The following EPB41L5 variants were observed in gnomAD, a reference collection of about 807,000 sequenced individuals.
The protein encoded by EPB41L5 is band 4.1-like protein 5.
In EPB41L5, 55 loss-of-function variants were observed where a neutral mutation model predicts 106.6. That is an observed-to-expected ratio of 0.52 (90% CI 0.42 to 0.65). EPB41L5 has a LOEUF of 0.65. Ranked by LOEUF, EPB41L5 falls within the 30% of genes least tolerant of loss-of-function variation. The pLI, the probability that EPB41L5 is intolerant of heterozygous loss-of-function variation, is 0.00. For missense variants in EPB41L5, 871 were observed against 882.1 expected (o/e 0.99, Z 0.16); for synonymous variants, 297 against 306.7 (o/e 0.97, Z 0.33).
At chr2:120,173,963 G>A (rs1574808136) in intron 24 of EPB41L5, among the ~76,000 whole-genome samples, 1 of 152,132 alleles carries the variant, frequency 6.6e-6, no homozygotes, top group African/African-American at 2.4e-5. Flanking sequence ...GCAGGCGTGC[G>A]CCACCTTACC....
intron 22 of EPB41L5, among the ~76,000 whole-genome samples, chr2:120,165,388 G>T (rs1442275767): frequency 6.6e-6 from 1 of 152,106 alleles, no homozygotes; most frequent in African/African-American, 2.4e-5. Flanking sequence ...ATAAAATGGT[G>T]TAGTGTTTGC....
chr2:120,039,876 A>G (rs1255622347), intron 2 of EPB41L5, among the ~76,000 whole-genome samples: 1 of 151,608 alleles, frequency 6.6e-6, no homozygotes, highest in Non-Finnish European at 1.5e-5. Context: ...AATAAGCTAG[A>G]AGAAGTTGTT....
chr2:120,166,336 T>C (rs1235554092), intron 22 of EPB41L5, among the ~76,000 whole-genome samples: 1 of 152,258 alleles, frequency 6.6e-6, no homozygotes, highest in African/African-American at 2.4e-5. Flanking sequence ...AAGAATTAAC[T>C]GCAAGTGTGG....
chr2:120,137,251 A>G (rs752060027), intron 18 of EPB41L5, among the ~76,000 whole-genome samples: 1 of 152,116 alleles, frequency 6.6e-6, no homozygotes, highest in Non-Finnish European at 1.5e-5. Context: ...ATAAGCACCT[A>G]CATCACAAAA....
In EPB41L5 at chr2:120,149,336, C is replaced by T. The variant is rs1230270137; in HGVS notation, c.1793+3047C>T. ...TCAGTAACAAATTTCAGAATATTTT[C>T]GTCACCTCAAAAAGAAATCCCCTGC... On this transcript the variant is annotated intron_variant, in intron 20 of 24. Transcript: ENST00000263713. 8.5e-5 allele frequency among the ~76,000 whole-genome samples: 13 copies of T among 152,248 alleles called. 1 individual carries two copies. In the South Asian group the frequency reaches 1.7e-3, roughly 19 times the overall value.
chr2:120,074,059 T>A (rs757470043), intron 4 of EPB41L5, 41 bp from the exon 5 acceptor site: 1 of 1,423,446 alleles, frequency 7.0e-7, no homozygotes, highest in Admixed American at 1.9e-5. Flanking sequence ...ATTATTTAAG[T>A]AGTTTATTTT....
chr2:120,091,529 CCTTA>C (rs752431417), intron 12 of EPB41L5, 22 bp from the exon 13 acceptor site: 1 of 1,563,000 alleles, frequency 6.4e-7, no homozygotes, highest in Non-Finnish European at 8.8e-7. Flanking sequence ...CTAAAATTTC[CCTTA>C]CTTCTGTTAT....
Position 120,014,331 on chromosome 2 carries a change from C to T in EPB41L5, c.-9+1121C>T, listed in dbSNP as rs1273332194. ...TAGTTAGGAACTAGAGTAGAAACTA[C>T]TGTTTTTTGGAAGCCACATAAACCT... On this transcript the variant is annotated intron_variant, in intron 1 of 24. Transcript: ENST00000263713. Among the ~76,000 whole-genome samples the T allele has an allele frequency of 2.6e-5, 4 of 152,254 alleles. No homozygotes were observed. The East Asian group carries it at 5.8e-4, about 22-fold the overall frequency.
At chr2:120,132,070 A>T (rs1260285252) in intron 18 of EPB41L5, among the ~76,000 whole-genome samples, 15 of 152,206 alleles carry the variant, frequency 9.9e-5, no homozygotes, top group Non-Finnish European at 1.3e-4. Flanking sequence ...TGTGGTATAA[A>T]CAAGAAAGAG....
chr2:120,081,412 T>C (rs1375777380), intron 10 of EPB41L5, among the ~76,000 whole-genome samples: 1 of 152,196 alleles, frequency 6.6e-6, no homozygotes, highest in Non-Finnish European at 1.5e-5. Context: ...AAAGATTGGA[T>C]GGTTGTAGAT....
intron 3 of EPB41L5, among the ~76,000 whole-genome samples, chr2:120,066,135 T>C (rs1665070): frequency 0.99 from 150,830 of 152,164 alleles, 74,771 homozygotes; most frequent in East Asian, 1. Flanking sequence ...TTAATATTAC[T>C]AAAAAATTAA....
intron 16 of EPB41L5, among the ~76,000 whole-genome samples, chr2:120,118,195 TGA>T (rs1685038712): frequency 6.6e-6 from 1 of 152,190 alleles, no homozygotes; most frequent in South Asian, 2.1e-4. Context: ...ATAGGAGTAA[TGA>T]AATCTAATTT....
At chr2:120,096,408 A>AT (rs1683758518) in intron 14 of EPB41L5, among the ~76,000 whole-genome samples, 1 of 152,180 alleles carries the variant, frequency 6.6e-6, no homozygotes, top group Non-Finnish European at 1.5e-5. Context: ...TGAGATTTTT[A>AT]TTAGGTAAAA....
intron 3 of EPB41L5, among the ~76,000 whole-genome samples, chr2:120,045,957 C>T (rs1456837538): frequency 6.6e-6 from 1 of 152,140 alleles, no homozygotes; most frequent in African/African-American, 2.4e-5. Flanking sequence ...TGGTTTCCTG[C>T]TTCATCCATG....
rs141472714 is a variant in EPB41L5, at chr2:120,149,763, C to T, written c.1793+3474C>T. On this transcript the variant is annotated intron_variant, in intron 20 of 24. Coordinates refer to ENST00000263713, the MANE Select transcript of EPB41L5 (RefSeq NM_020909.4). ...TCTAGAGTAGAATTCCGGAGTCATACGGTAATTCTGCTTTTAACCTTTTAA... is the reference window on the plus strand; with the variant it reads ...TCTAGAGTAGAATTCCGGAGTCATATGGTAATTCTGCTTTTAACCTTTTAA... Among the ~76,000 whole-genome samples, 11 of 152,226 alleles carry T rather than the reference C, an allele frequency of 7.2e-5. No individual in the cohort carries two copies. The South Asian group carries it at 1.7e-3, about 23-fold the overall frequency.
chr2:120,127,069 A>G (rs1015284920), intron 16 of EPB41L5, among the ~76,000 whole-genome samples: 2 of 152,178 alleles, frequency 1.3e-5, no homozygotes, highest in Non-Finnish European at 2.9e-5. Context: ...TTTCATGTAT[A>G]GATATACAAT....
intron 3 of EPB41L5, among the ~76,000 whole-genome samples, chr2:120,059,960 A>G (rs1396127120): frequency 6.6e-6 from 1 of 152,120 alleles, no homozygotes; most frequent in Non-Finnish European, 1.5e-5. Flanking sequence ...AACAAAAGAC[A>G]TGAAGAGACA....
chr2:120,167,558 G>A, intron 23 of EPB41L5, 51 bp downstream of exon 23: 2 of 1,546,098 alleles, frequency 1.3e-6, no homozygotes, highest in Non-Finnish European at 1.8e-6. Flanking sequence ...TTCAGGGTAA[G>A]GCCTAAAGGA....
At position 120,019,073 on chromosome 2, in the gene EPB41L5, A is replaced by G; in HGVS notation, c.-8-4A>G. 3.8e-6 allele frequency: 6 copies of G among 1,587,294 alleles called. No individual in the cohort carries two copies. Among genetic ancestry groups the G allele is most frequent in the South Asian group, 1.1e-5 (1 of 87,646 alleles). On this transcript the variant is annotated splice_region_variant and splice_polypyrimidine_tract_variant and intron_variant, in intron 1 of 24. Coordinates refer to ENST00000263713, the MANE Select transcript of EPB41L5 (RefSeq NM_020909.4). ...ATGCCATCTTTTTCTCTCTGTTTTT[A>G]TAGTGACAAAAATGCTGAGTTTCTT...
Sources: allele counts gnomAD v4.1 joint callset (sites outside exome capture counted in the v4.1 genomes callset), GRCh38; gene constraint gnomAD v4.1.1; transcripts MANE v1.5; gene names NCBI Gene and HGNC (gene_info 2026-07-23, HGNC 2026-07-21).